PTPRD: variants seen among roughly 807,000 people sequenced by gnomAD.
The protein encoded by PTPRD is receptor-type tyrosine-protein phosphatase delta.
A neutral mutation model predicts 214.5 loss-of-function variants in PTPRD; 34 were observed. The ratio of observed to expected loss-of-function variants is 0.16; its 90% CI spans 0.12 to 0.21. PTPRD has a LOEUF of 0.21. PTPRD is among the 10% of genes least tolerant of loss of function. The pLI, the probability that PTPRD is intolerant of heterozygous loss-of-function variation, is 1.00. For synonymous variants in PTPRD, 1,128 were observed against 845.7 expected, an observed-to-expected ratio of 1.33 and a Z score of -5.79; for missense variants, 2,545 against 2,398.7, an observed-to-expected ratio of 1.06 and a Z score of -1.27.
At chr9:8,921,859 A>C (rs957315351) in intron 11 of PTPRD, among the ~76,000 whole-genome samples, 4 of 152,160 alleles carry the variant, frequency 2.6e-5, no homozygotes, top group Non-Finnish European at 5.9e-5. Context: ...TTAATATATC[A>C]GCTTTGGTAA....
chr9:9,087,256 T>C (rs1476758217), intron 10 of PTPRD, among the ~76,000 whole-genome samples: 1 of 152,210 alleles, frequency 6.6e-6, no homozygotes, highest in Non-Finnish European at 1.5e-5. Context: ...GATTTGGTCC[T>C]TGGCCCTGAA....
chr9:10,248,550 A>G (rs2092454107), intron 3 of PTPRD, among the ~76,000 whole-genome samples: 1 of 151,532 alleles, frequency 6.6e-6, no homozygotes, highest in South Asian at 2.1e-4. Context: ...GCGAGAAACC[A>G]AAATGATAGA....
chr9:10,598,718 G>GGTGTGTGTA (rs767420311), intron 2 of PTPRD, among the ~76,000 whole-genome samples: 10 of 142,584 alleles, frequency 7.0e-5, no homozygotes. Flanking sequence ...TGTGGTGTGT[G>GGTGTGTGTA]TGTGTGTGTG....
At chr9:10,565,910 G>T (rs1241673005) in intron 2 of PTPRD, among the ~76,000 whole-genome samples, 1 of 151,608 alleles carries the variant, frequency 6.6e-6, no homozygotes, top group Non-Finnish European at 1.5e-5. Context: ...TTTCTCTAAG[G>T]TTAACCACTA....
At chr9:9,400,600 G>C (rs780092720) in intron 8 of PTPRD, among the ~76,000 whole-genome samples, 2 of 151,512 alleles carry the variant, frequency 1.3e-5, no homozygotes, top group Non-Finnish European at 2.9e-5. Context: ...ACAGAATTTT[G>C]ATTAGCTCCT....
At chr9:9,225,686 C>G (rs1201906567) in intron 9 of PTPRD, among the ~76,000 whole-genome samples, 1 of 151,958 alleles carries the variant, frequency 6.6e-6, no homozygotes, top group Non-Finnish European at 1.5e-5. Flanking sequence ...ATTCTAGACT[C>G]TGGCCTTTGA....
chr9:10,291,973 T>C (rs2095540199), intron 3 of PTPRD, among the ~76,000 whole-genome samples: 1 of 151,998 alleles, frequency 6.6e-6, no homozygotes, highest in Non-Finnish European at 1.5e-5. Flanking sequence ...GGTTTACATT[T>C]TTGCTGAAGT....
chr9:9,489,896 T>A (rs574525851), intron 8 of PTPRD, among the ~76,000 whole-genome samples: 14 of 152,108 alleles, frequency 9.2e-5, no homozygotes, highest in Middle Eastern at 6.8e-3. Context: ...AATATAAACA[T>A]CAAATAAGTT....
intron 7 of PTPRD, among the ~76,000 whole-genome samples, chr9:9,695,364 A>G (rs1043254773): frequency 3.3e-5 from 5 of 152,152 alleles, no homozygotes; most frequent in Non-Finnish European, 2.9e-5. Context: ...AAGCAGAAGG[A>G]GAGAATCACT....
At chr9:9,975,098 GCACTGTCTTTCTGTAAATGTGCGCT>G (rs149923151) in intron 4 of PTPRD, among the ~76,000 whole-genome samples, 2,109 of 152,192 alleles carry the variant, frequency 0.014, 47 homozygotes, top group African/African-American at 0.048. Context: ...TCTCCCGTTA[GCACTGTCTTTCTGTAAATGTGCGCT>G]CCCATTTACA....
intron 14 of PTPRD, among the ~76,000 whole-genome samples, chr9:8,603,605 A>G (rs2095009867): frequency 6.6e-6 from 1 of 152,182 alleles, no homozygotes; most frequent in Non-Finnish European, 1.5e-5. Flanking sequence ...TGCTGTCAAT[A>G]GAAGTCACCC....
intron 34 of PTPRD, among the ~76,000 whole-genome samples, chr9:8,444,381 G>C (rs1037115154): frequency 2.6e-5 from 4 of 152,012 alleles, no homozygotes; most frequent in Non-Finnish European, 1.5e-5. Flanking sequence ...CATACACACA[G>C]ACATCCCTAC....
intron 7 of PTPRD, among the ~76,000 whole-genome samples, chr9:9,716,216 G>T (rs1334996332): frequency 2.0e-5 from 3 of 152,152 alleles, no homozygotes; most frequent in African/African-American, 4.8e-5. Flanking sequence ...GTATTCCATG[G>T]TGTATATGTG....
At chr9:10,454,606 T>A (rs1472827206) in intron 2 of PTPRD, among the ~76,000 whole-genome samples, 3 of 151,642 alleles carry the variant, frequency 2.0e-5, no homozygotes, top group East Asian at 1.9e-4. Flanking sequence ...ACATATTCCA[T>A]ATTTTCTACC....
At chr9:10,254,565 G>C (rs910933998) in intron 3 of PTPRD, among the ~76,000 whole-genome samples, 1 of 152,238 alleles carries the variant, frequency 6.6e-6, no homozygotes, top group South Asian at 2.1e-4. Context: ...CTATTTAGAG[G>C]AAGGCTGTGC....
intron 4 of PTPRD, among the ~76,000 whole-genome samples, chr9:10,025,758 CT>C (rs2096911563): frequency 6.6e-6 from 1 of 152,128 alleles, no homozygotes; most frequent in African/African-American, 2.4e-5. Flanking sequence ...GCCGCCTCCA[CT>C]GACTTTAAAG....
intron 5 of PTPRD, among the ~76,000 whole-genome samples, chr9:9,900,574 G>A (rs189164529): frequency 7.9e-5 from 12 of 151,594 alleles, no homozygotes; most frequent in Admixed American, 5.9e-4. Flanking sequence ...CTGTCTTCTT[G>A]AGAGCCCTCC....
chr9:8,566,518 C>G (rs1030073134), intron 14 of PTPRD, among the ~76,000 whole-genome samples: 1 of 152,144 alleles, frequency 6.6e-6, no homozygotes, highest in Admixed American at 6.5e-5. Flanking sequence ...TTGGCCCTAA[C>G]AGCAATGTTC....
intron 3 of PTPRD, among the ~76,000 whole-genome samples, chr9:10,115,117 C>T (rs2098720443): frequency 6.6e-6 from 1 of 151,536 alleles, no homozygotes; most frequent in African/African-American, 2.4e-5. Context: ...ATGCCTATTA[C>T]AGAAGCAGTA....
Sources: gnomAD v4.1 joint callset for allele counts (sites outside exome capture counted in the v4.1 genomes callset) on GRCh38, gnomAD v4.1.1 for gene constraint, MANE v1.5 for transcripts, NCBI Gene and HGNC (gene_info 2026-07-23, HGNC 2026-07-21) for gene names.